LHX5: variants seen among roughly 807,000 people sequenced by gnomAD.
LHX5 encodes LIM/homeobox protein Lhx5.
LHX5 carries 5 observed loss-of-function variants against 30.6 expected under a neutral mutation model. That is an observed-to-expected ratio of 0.16 (90% CI 0.09 to 0.34). The LOEUF is 0.34. Ranked by LOEUF, LHX5 falls within the 10% of genes least tolerant of loss-of-function variation. The pLI is 1.00. For missense variants in LHX5, 458 were observed against 570.6 expected, an observed-to-expected ratio of 0.80 and a Z score of 2.01; for synonymous variants, 266 against 252.6, an observed-to-expected ratio of 1.05 and a Z score of -0.50.
intron 2 of LHX5, 56 bp downstream of exon 2, chr12:113,469,066 G>A: frequency 2.2e-6 from 3 of 1,349,532 alleles, no homozygotes; most frequent in Non-Finnish European, 3.1e-6. Flanking sequence ...GTGCCAGGCT[G>A]GGCACGGTGG....
intron 1 of LHX5, 95 bp from the exon 2 acceptor site, chr12:113,469,440 TC>T (rs1958233554): frequency 1.8e-6 from 2 of 1,109,818 alleles, no homozygotes; most frequent in African/African-American, 1.5e-5. Context: ...TTCGGTGAAG[TC>T]CCCATTTCCA....
intron 2 of LHX5, 75 bp from the exon 3 acceptor site, chr12:113,468,479 T>G: frequency 4.3e-5 from 63 of 1,477,910 alleles, no homozygotes; most frequent in South Asian, 6.7e-5. Flanking sequence ...AGTGGCGGGT[T>G]CCCGCCGGCC....
At position 113,467,510 on chromosome 12, in the gene LHX5, G is replaced by T. The variant is rs1315633898; in HGVS notation, c.676-89C>A. On this transcript the variant is annotated intron_variant, in intron 3 of 4. Transcript: ENST00000261731. The surrounding 1 kb of genome is among the most constrained non-coding windows in gnomAD (Gnocchi z 6.3). ...TTCCCTGACTGGGCTGCCCCTGCTGGGTCCTTGCGCCTCTTCCGCACCAGG... is the reference window on the plus strand; with the variant it reads ...TTCCCTGACTGGGCTGCCCCTGCTGTGTCCTTGCGCCTCTTCCGCACCAGG... 3.3e-6 allele frequency: 4 copies of T among 1,226,964 alleles called. No individual in the cohort carries two copies. The highest frequency in any genetic ancestry group is 3.4e-5 in the Admixed American group (1 of 29,404). The allele number at this position is 1,226,964 out of a possible 1,614,324, so 76.0% of individuals were successfully genotyped here.
chr12:113,469,042 G>A (rs1958230742), intron 2 of LHX5, 80 bp downstream of exon 2: 10 of 1,076,976 alleles, frequency 9.3e-6, no homozygotes, highest in Non-Finnish European at 9.4e-6. Context: ...AGCACACCGG[G>A]GGCCAAGTAG....
rs758456563 is a variant in LHX5, at chr12:113,468,215, T to C, written c.587A>G (p.Lys196Arg). 3.7e-6 allele frequency: 6 copies of C among 1,613,766 alleles called. 1 individual carries two copies. The highest frequency in any genetic ancestry group is 4.2e-6 in the Non-Finnish European group (5 of 1,179,908). The change falls in exon 3 of 5, where the codon AAG becomes AGG. Residue 196 changes from lysine (K) to arginine (R), a missense_variant. By Grantham distance (26) the Lys-to-Arg change is conservative. Around this residue, in one of 3 missense-constraint regions of LHX5, gnomAD observed 25 missense variants for 85.4 expected, o/e 0.29. Coordinates refer to ENST00000261731, the MANE Select transcript of LHX5 (RefSeq NM_022363.3). ...TIKAKQLETL[K>R]AAFAATPKPT... ...CTTGGGCGTGGCGGCGAAGGCAGCC[T>C]TGAGCGTCTCCAGCTGCTTGGCCTT...
chr12:113,470,722 A>G (rs867712616), intron 1 of LHX5, among the ~76,000 whole-genome samples: 34 of 152,334 alleles, frequency 2.2e-4, no homozygotes, highest in African/African-American at 7.5e-4. Flanking sequence ...GGGAGGTGCC[A>G]CAGCCCAGTC....
rs1958195391 is a variant in LHX5, at chr12:113,463,938, T to C, written c.842-381A>G. Among the ~76,000 whole-genome samples the C allele has an allele frequency of 6.6e-6, 1 of 151,366 alleles. No homozygotes were observed. The highest frequency in any genetic ancestry group is 1.5e-5 in the Non-Finnish European group (1 of 67,880). The stretch of plus-strand genomic sequence containing the variant: ...CGGCCAGAGACGCAGAGACAGACAA[T>C]GATTCCTAAGTGTCTTAGGGTCGGT... On this transcript the variant is annotated intron_variant, in intron 4 of 4. Coordinates refer to ENST00000261731, the MANE Select transcript of LHX5 (RefSeq NM_022363.3). The surrounding 1 kb of genome is among the most constrained non-coding windows in gnomAD (Gnocchi z 6.7).
rs1275590560 is a variant in LHX5, at chr12:113,466,169, G to A, written c.841+1087C>T. 6.6e-6 allele frequency among the ~76,000 whole-genome samples: 1 copy of A among 152,124 alleles called. No individual in the cohort carries two copies. The highest frequency in any genetic ancestry group is 1.5e-5 in the Non-Finnish European group (1 of 68,010). On this transcript the variant is annotated intron_variant, in intron 4 of 4. Coordinates refer to ENST00000261731, the MANE Select transcript of LHX5 (RefSeq NM_022363.3). The surrounding 1 kb of genome is among the most constrained non-coding windows in gnomAD (Gnocchi z 6.5). ...GAGAAATTGCCTCTTCCTAACCTGC[G>A]TTACAACTCAGAAGTGCAGATGCCT...
Position 113,464,670 on chromosome 12 carries a change from C to G in LHX5, c.842-1113G>C, listed in dbSNP as rs1439131823. Among the ~76,000 whole-genome samples, 1 of 152,166 alleles carries G rather than the reference C, an allele frequency of 6.6e-6. No homozygotes were observed. The highest frequency in any genetic ancestry group is 2.4e-5 in the African/African-American group (1 of 41,442). On this transcript the variant is annotated intron_variant, in intron 4 of 4. Coordinates refer to ENST00000261731, the MANE Select transcript of LHX5 (RefSeq NM_022363.3). The surrounding 1 kb of genome is among the most constrained non-coding windows in gnomAD (Gnocchi z 6.2). ...GTAGAAGCTCGGTCCTCCAGCCTTG[C>G]CCCGGGTTGGTTTTGCCAGCACCCC... is the stretch of plus-strand genomic sequence containing the variant.
rs979707778 is a variant in LHX5, at chr12:113,466,889, G to A, written c.841+367C>T. 6.6e-6 allele frequency among the ~76,000 whole-genome samples: 1 copy of A among 152,092 alleles called. No individual in the cohort carries two copies. Among genetic ancestry groups the A allele is most frequent in the Non-Finnish European group, 1.5e-5 (1 of 68,020 alleles). Reference sequence around the variant, plus strand: ...GACTGGTGGGAGTGTGCGCGTCTGTGGAGTTGTGTCTCCGTGAGTGTACCT... The same window carrying A: ...GACTGGTGGGAGTGTGCGCGTCTGTAGAGTTGTGTCTCCGTGAGTGTACCT... On this transcript the variant is annotated intron_variant, in intron 4 of 4. Coordinates refer to ENST00000261731, the MANE Select transcript of LHX5 (RefSeq NM_022363.3). The surrounding 1 kb of genome is among the most constrained non-coding windows in gnomAD (Gnocchi z 6.5).
chr12:113,470,673 C>T (rs1958243961), intron 1 of LHX5, among the ~76,000 whole-genome samples: 2 of 152,342 alleles, frequency 1.3e-5, no homozygotes, highest in Admixed American at 1.3e-4. Flanking sequence ...AGGTGATCTG[C>T]CCTGGCCAGC....
chr12:113,463,496 A>C lies in LHX5; in HGVS notation c.903T>G (p.Pro301=). 6.4e-7 allele frequency: 1 copy of C among 1,566,606 alleles called. No homozygotes were observed. The highest frequency in any genetic ancestry group is 1.4e-5 in the African/African-American group (1 of 73,454). ...AGTCGGCCGGGGACTGCGCCTGCGA[A>C]GGCGGGCCGTGCGCGAAGAAGTCGT... ...SNYDFFAHGP[P]SQAQSPADSS... is the part of the protein sequence containing the mutation. Residue 301 remains proline, a synonymous_variant, in exon 5 of 5, where the codon CCT becomes CCG. Coordinates refer to ENST00000261731, the MANE Select transcript of LHX5 (RefSeq NM_022363.3). This position sits in a 1 kb window ranked among gnomAD's most constrained non-coding sequence, Gnocchi z 6.7.
chr12:113,468,038 T>C (rs2136978474), intron 3 of LHX5, 89 bp downstream of exon 3: 2 of 1,434,782 alleles, frequency 1.4e-6, no homozygotes, highest in Non-Finnish European at 1.8e-6. Flanking sequence ...GGCGCGCTCG[T>C]AGCCAAGGAA....
intron 1 of LHX5, among the ~76,000 whole-genome samples, chr12:113,470,713 G>C (rs528181324): frequency 7.7e-4 from 118 of 152,366 alleles, no homozygotes; most frequent in African/African-American, 2.6e-3. Context: ...GGGGGGCTGG[G>C]GAGGTGCCAC....
Position 113,467,169 on chromosome 12 carries a change from G to C in LHX5, c.841+87C>G, listed in dbSNP as rs562132810. The C allele has an allele frequency of 7.8e-7, 1 of 1,282,700 alleles. No homozygotes were observed. The highest frequency in any genetic ancestry group is 1.0e-6 in the Non-Finnish European group (1 of 984,162). 79.5% of individuals were successfully genotyped at this position (1,282,700 alleles called of 1,614,324 possible). ...CAGCGAGTGGGCGATGTTCTGGAGC[G>C]GCGGAAAGCGTGCTGGCCGGGACCC... On this transcript the variant is annotated intron_variant, in intron 4 of 4. Coordinates refer to ENST00000261731, the MANE Select transcript of LHX5 (RefSeq NM_022363.3). This position sits in a 1 kb window ranked among gnomAD's most constrained non-coding sequence, Gnocchi z 6.3.
chr12:113,468,469 A>G, intron 2 of LHX5, 65 bp from the exon 3 acceptor site: 11 of 1,510,710 alleles, frequency 7.3e-6, no homozygotes, highest in Non-Finnish European at 9.8e-6. Flanking sequence ...TCTTCAGTCC[A>G]GTGGCGGGTT....
chr12:113,467,125 G>T lies in LHX5; in HGVS notation c.841+131C>A. The T allele has an allele frequency of 1.1e-6, 1 of 874,198 alleles. No homozygotes were observed. Among genetic ancestry groups the T allele is most frequent in the Non-Finnish European group, 1.6e-6 (1 of 618,672 alleles). The allele number at this position is 874,198 out of a possible 1,614,324, so 54.2% of individuals were successfully genotyped here. On this transcript the variant is annotated intron_variant, in intron 4 of 4. Coordinates refer to ENST00000261731, the MANE Select transcript of LHX5 (RefSeq NM_022363.3). This position sits in a 1 kb window ranked among gnomAD's most constrained non-coding sequence, Gnocchi z 6.3. ...CCAGGACATGTGGGTGAGTGTACATGTGTCTGTGATCGTGTGTCCAGCGAG... is the reference window on the plus strand; with the variant it reads ...CCAGGACATGTGGGTGAGTGTACATTTGTCTGTGATCGTGTGTCCAGCGAG...
rs1224091951 is a variant in LHX5 at position 113,471,400 on chromosome 12, G to C, written c.99C>G (p.Cys33Trp). 3.1e-6 allele frequency: 5 copies of C among 1,613,812 alleles called. No homozygotes were observed. Among genetic ancestry groups the C allele is most frequent in the Non-Finnish European group, 4.2e-6 (5 of 1,179,888 alleles). ...RAWHIKCVQCCECKTNLSEKC... is the reference protein window; with the variant it reads ...RAWHIKCVQCWECKTNLSEKC... ...TCTCCGAGAGGTTGGTTTTGCACTC[G>C]CAGCACTGAACACATTTGATGTGCC... The change falls in exon 1 of 5, where the codon TGC (cysteine) becomes TGG (tryptophan). Residue 33 changes from cysteine to tryptophan, a missense_variant. Physicochemically the swap from Cys to Trp is radical, Grantham distance 215 (BLOSUM62 -2). Transcript: ENST00000261731.
Position 113,463,683 on chromosome 12 carries a change from TAG to T in LHX5, c.842-128_842-127del. On this transcript the variant is annotated intron_variant, in intron 4 of 4. Coordinates refer to ENST00000261731, the MANE Select transcript of LHX5 (RefSeq NM_022363.3). This position sits in a 1 kb window ranked among gnomAD's most constrained non-coding sequence, Gnocchi z 6.7. Reference sequence around the variant, plus strand: ...GGAGCGCGCGACACCGACCCAAGGTTAGAGAGACCTGCGGAGGCCGGCGCCCC... The same window carrying T: ...GGAGCGCGCGACACCGACCCAAGGTTAGAGACCTGCGGAGGCCGGCGCCCC... 4 of 996,170 alleles carry T rather than the reference TAG, an allele frequency of 4.0e-6. No individual in the cohort carries two copies. The highest frequency in any genetic ancestry group is 5.7e-6 in the Non-Finnish European group (4 of 705,224). The allele number at this position is 996,170 out of a possible 1,614,324, so 61.7% of individuals were successfully genotyped here.
Sources: gnomAD v4.1 joint callset for allele counts (sites outside exome capture counted in the v4.1 genomes callset) on GRCh38, gnomAD v4.1.1 for gene constraint, gnomAD v4.1.1 regional missense constraint, Gnocchi (gnomAD v3.1) non-coding constraint, MANE v1.5 for transcripts, NCBI Gene and HGNC (gene_info 2026-07-23, HGNC 2026-07-21) for gene names.